Variants in RBFOX1 observed in about 807,000 individuals in gnomAD.
The protein encoded by RBFOX1 is RNA binding protein fox-1 homolog 1.
RBFOX1 carries 8 observed loss-of-function variants against 57.7 expected under a neutral mutation model. That is an observed-to-expected ratio of 0.14 (90% CI 0.08 to 0.25). RBFOX1 has a LOEUF of 0.25. Among genes scored for constraint, RBFOX1 ranks in the 10% least tolerant of loss-of-function variants. The pLI is 1.00. For missense variants in RBFOX1, 611 were observed against 548.5 expected (o/e 1.11, Z -1.14); for synonymous variants, 326 against 222.4 (o/e 1.47, Z -4.15).
At chr16:7,322,361 G>A (rs925956346) in intron 4 of RBFOX1, among the ~76,000 whole-genome samples, 5 of 152,246 alleles carry the variant, frequency 3.3e-5, no homozygotes, top group Non-Finnish European at 5.9e-5. Context: ...TGACTGGCAG[G>A]TTCATAGCGT....
intron 1 of RBFOX1, chr16:5,365,650 G>A (rs970212691): frequency 2.3e-5 from 7 of 310,192 alleles, no homozygotes; most frequent in Non-Finnish European, 4.3e-5. Flanking sequence ...CCTGGGTGAC[G>A]GAGTAAGACC....
At chr16:5,392,239 G>C (rs1178213957) in intron 1 of RBFOX1, among the ~76,000 whole-genome samples, 1 of 151,982 alleles carries the variant, frequency 6.6e-6, no homozygotes, top group Non-Finnish European at 1.5e-5. Context: ...TAAGGAATTT[G>C]TTCATGTAAC....
chr16:5,446,194 A>G (rs560518236), intron 1 of RBFOX1, among the ~76,000 whole-genome samples: 2 of 152,202 alleles, frequency 1.3e-5, no homozygotes, highest in African/African-American at 4.8e-5. Context: ...ATAGGAGTCT[A>G]GAAACTGACA....
intron 4 of RBFOX1, among the ~76,000 whole-genome samples, chr16:7,075,423 G>A (rs1372452739): frequency 6.6e-6 from 1 of 152,054 alleles, no homozygotes; most frequent in African/African-American, 2.4e-5. Context: ...CATGATTAGG[G>A]GAAAGAAGGA....
chr16:5,306,323 CT>C (rs34944593), intron 1 of RBFOX1, among the ~76,000 whole-genome samples: 39 of 147,326 alleles, frequency 2.6e-4, no homozygotes, highest in Admixed American at 2.7e-4. Context: ...TTCTAGAATT[CT>C]TTTTTTTTTT....
intron 1 of RBFOX1, among the ~76,000 whole-genome samples, chr16:5,276,141 A>T (rs755423589): frequency 6.6e-6 from 1 of 152,246 alleles, no homozygotes; most frequent in Non-Finnish European, 1.5e-5. Context: ...GTTCATAACC[A>T]AGAACCCAAA....
At chr16:7,155,469 A>G (rs1040624919) in intron 4 of RBFOX1, among the ~76,000 whole-genome samples, 3 of 151,630 alleles carry the variant, frequency 2.0e-5, no homozygotes, top group Admixed American at 1.3e-4. Flanking sequence ...GGTGGTATGC[A>G]CTTGTAGTCT....
At chr16:6,264,975 A>G (rs539097502) in intron 1 of RBFOX1, among the ~76,000 whole-genome samples, 2 of 152,210 alleles carry the variant, frequency 1.3e-5, no homozygotes, top group East Asian at 3.9e-4. Flanking sequence ...ATAAGAGCAA[A>G]CGCTTGACAC....
At chr16:5,919,253 G>A (rs1364112562) in intron 4 of RBFOX1, among the ~76,000 whole-genome samples, 1 of 152,218 alleles carries the variant, frequency 6.6e-6, no homozygotes, top group Non-Finnish European at 1.5e-5. Flanking sequence ...AATTAGCCCT[G>A]TAACATGTTC....
intron 4 of RBFOX1, among the ~76,000 whole-genome samples, chr16:5,916,014 C>G (rs892573375): frequency 1.1e-4 from 16 of 152,152 alleles, no homozygotes; most frequent in Non-Finnish European, 1.8e-4. Flanking sequence ...CTCCAGCCTT[C>G]ACAGCAGCTA....
intron 4 of RBFOX1, among the ~76,000 whole-genome samples, chr16:5,931,365 C>G (rs942454638): frequency 1.3e-5 from 2 of 152,164 alleles, no homozygotes; most frequent in African/African-American, 2.4e-5. Flanking sequence ...AATAACATCA[C>G]TTGGCCATAT....
intron 1 of RBFOX1, chr16:6,037,484 C>T (rs1403360508): frequency 1.3e-5 from 2 of 148,870 alleles, no homozygotes; most frequent in South Asian, 2.1e-4. Context: ...TTCAATTTTA[C>T]TAACTCAGTG....
rs149020255 is a variant in RBFOX1 at position 6,452,731 on chromosome 16, C to T, written c.-64+135674C>T. On this transcript the variant is annotated intron_variant, in intron 2 of 15. Coordinates refer to ENST00000550418, the MANE Select transcript of RBFOX1 (RefSeq NM_018723.4). The stretch of plus-strand genomic sequence containing the variant: ...TCACAGTTTAGCCTTTGCAGTTAGA[C>T]TGCTTTAAAGTGGATCCTTGTGCCT... 1.5e-3 allele frequency among the ~76,000 whole-genome samples: 227 copies of T among 152,294 alleles called. 1 individual carries two copies. Among genetic ancestry groups the T allele is most frequent in the African/African-American group, 5.2e-3 (217 of 41,566 alleles).
intron 4 of RBFOX1, among the ~76,000 whole-genome samples, chr16:5,913,348 G>A (rs2058643395): frequency 6.6e-6 from 1 of 152,194 alleles, no homozygotes; most frequent in African/African-American, 2.4e-5. Context: ...TCGGAAATGT[G>A]ATTCCAATGT....
chr16:7,069,328 G>A (rs1598631446), intron 4 of RBFOX1, among the ~76,000 whole-genome samples: 2 of 152,240 alleles, frequency 1.3e-5, no homozygotes, highest in South Asian at 2.1e-4. Context: ...TGCATTAGCT[G>A]TTTTCCCTAA....
At chr16:5,287,484 G>T (rs2063424867) in intron 1 of RBFOX1, among the ~76,000 whole-genome samples, 1 of 152,208 alleles carries the variant, frequency 6.6e-6, no homozygotes, top group Admixed American at 6.5e-5. Flanking sequence ...ATAAAGGACG[G>T]TCGCCCTTGT....
intron 4 of RBFOX1, among the ~76,000 whole-genome samples, chr16:5,875,471 A>G (rs1428346699): frequency 1.3e-5 from 2 of 152,220 alleles, no homozygotes; most frequent in Admixed American, 6.5e-5. Context: ...GGACAATTAA[A>G]GAATGAACCT....
chr16:7,192,868 A>T (rs558485487), intron 4 of RBFOX1, among the ~76,000 whole-genome samples: 1 of 152,346 alleles, frequency 6.6e-6, no homozygotes, highest in East Asian at 1.9e-4. Flanking sequence ...TCCGAGGATC[A>T]TGTGCTTACA....
intron 4 of RBFOX1, among the ~76,000 whole-genome samples, chr16:7,258,884 A>G (rs2094805345): frequency 6.6e-6 from 1 of 152,224 alleles, no homozygotes; most frequent in East Asian, 1.9e-4. Flanking sequence ...AAAGGAGAAC[A>G]TTAAAAGTTT....
Sources: gnomAD v4.1 joint callset for allele counts (sites outside exome capture counted in the v4.1 genomes callset) on GRCh38, gnomAD v4.1.1 for gene constraint, MANE v1.5 for transcripts, NCBI Gene and HGNC (gene_info 2026-07-23, HGNC 2026-07-21) for gene names.